The following NRXN1 variants were observed in gnomAD, a reference collection of about 807,000 sequenced individuals.
NRXN1 encodes the protein neurexin 1.
In NRXN1, 39 loss-of-function variants were observed where a neutral mutation model predicts 150.9. The observed-to-expected ratio is 0.26, with a 90% CI of 0.20 to 0.34. The LOEUF (loss-of-function observed/expected upper bound fraction) is 0.34. NRXN1 is among the 10% of genes least tolerant of loss of function. The pLI is 1.00. For missense variants in NRXN1, 1,815 were observed against 1,949.9 expected, an observed-to-expected ratio of 0.93 and a Z score of 1.30; for synonymous variants, 924 against 757.0, an observed-to-expected ratio of 1.22 and a Z score of -3.62.
At chr2:50,149,635 C>T (rs1265191846) in intron 18 of NRXN1, among the ~76,000 whole-genome samples, 1 of 151,640 alleles carries the variant, frequency 6.6e-6, no homozygotes, top group African/African-American at 2.4e-5. Flanking sequence ...TTCCTCCTTA[C>T]CCAGCTAGCT....
At chr2:50,614,422 G>A (rs1678697092) in intron 8 of NRXN1, among the ~76,000 whole-genome samples, 1 of 151,954 alleles carries the variant, frequency 6.6e-6, no homozygotes, top group African/African-American at 2.4e-5. Context: ...TCTGCCATGA[G>A]ATTTTGTTCT....
chr2:50,386,575 A>C (rs762241381), intron 17 of NRXN1, among the ~76,000 whole-genome samples: 2 of 150,518 alleles, frequency 1.3e-5, no homozygotes, highest in East Asian at 4.4e-4. Flanking sequence ...AAGCAATAGA[A>C]CCCCCAAATT....
intron 1 of NRXN1, among the ~76,000 whole-genome samples, chr2:51,031,270 A>G (rs1671502436): frequency 6.6e-6 from 1 of 152,176 alleles, no homozygotes; most frequent in South Asian, 2.1e-4. Flanking sequence ...AAGCGCTCTA[A>G]TTCAAAAGCA....
intron 5 of NRXN1, among the ~76,000 whole-genome samples, chr2:50,903,394 C>A (rs1009962739): frequency 6.6e-6 from 1 of 152,112 alleles, no homozygotes; most frequent in African/African-American, 2.4e-5. Flanking sequence ...TCAAATAAAG[C>A]TTTGCATAAT....
intron 22 of NRXN1, among the ~76,000 whole-genome samples, chr2:49,928,904 C>G (rs1669628626): frequency 6.6e-6 from 1 of 152,110 alleles, no homozygotes; most frequent in African/African-American, 2.4e-5. Flanking sequence ...TTACGGAGGT[C>G]AGACAAGTCT....
intron 18 of NRXN1, among the ~76,000 whole-genome samples, chr2:50,216,216 A>T (rs1488605961): frequency 1.3e-5 from 2 of 151,992 alleles, no homozygotes; most frequent in African/African-American, 4.8e-5. Flanking sequence ...GCAGAACTCC[A>T]TCTCAAAAAT....
chr2:50,299,920 T>C (rs959943194), intron 17 of NRXN1, among the ~76,000 whole-genome samples: 4 of 152,186 alleles, frequency 2.6e-5, no homozygotes, highest in Non-Finnish European at 5.9e-5. Context: ...CAAAGAATTA[T>C]GAAGGTGATT....
intron 8 of NRXN1, among the ~76,000 whole-genome samples, chr2:50,585,434 T>C (rs1672943939): frequency 6.6e-6 from 1 of 152,066 alleles, no homozygotes; most frequent in African/African-American, 2.4e-5. Context: ...TGAAAAAGTT[T>C]TGGATATCTG....
At chr2:50,056,831 C>G (rs944474179) in intron 19 of NRXN1, among the ~76,000 whole-genome samples, 2 of 152,070 alleles carry the variant, frequency 1.3e-5, no homozygotes, top group Admixed American at 6.6e-5. Context: ...AATACATACC[C>G]TTTGCTCTAT....
chr2:50,228,293 T>C (rs2064599704), intron 18 of NRXN1, among the ~76,000 whole-genome samples: 1 of 152,016 alleles, frequency 6.6e-6, no homozygotes, highest in South Asian at 2.1e-4. Context: ...ATATGAGTAG[T>C]AGAAAATTAA....
Position 49,927,021 on chromosome 2 carries a change from G to T in NRXN1, c.4217-4770C>A, listed in dbSNP as rs367615993. Among the ~76,000 whole-genome samples the T allele has an allele frequency of 2.6e-5, 4 of 152,118 alleles. No individual in the cohort carries two copies. The East Asian group carries it at 5.8e-4, about 22-fold the overall frequency. On this transcript the variant is annotated intron_variant, in intron 22 of 22. Transcript: ENST00000401669. The stretch of plus-strand genomic sequence containing the variant: ...CTCTTCCAGCTCCTGAATTATCCTT[G>T]TAGGGGCCCTCCCCACCCCCAGGTA...
At chr2:51,016,698 A>G (rs908467898) in intron 2 of NRXN1, among the ~76,000 whole-genome samples, 1 of 152,128 alleles carries the variant, frequency 6.6e-6, no homozygotes, top group African/African-American at 2.4e-5. Flanking sequence ...CAGTGTGGTG[A>G]TTTCTCAAGG....
intron 19 of NRXN1, among the ~76,000 whole-genome samples, chr2:50,077,514 C>G (rs1460563090): frequency 6.6e-6 from 1 of 152,064 alleles, no homozygotes; most frequent in Non-Finnish European, 1.5e-5. Flanking sequence ...CCTCTAACCA[C>G]AAAATGCACT....
chr2:50,511,414 T>G (rs1340514245), intron 12 of NRXN1, among the ~76,000 whole-genome samples: 49 of 152,176 alleles, frequency 3.2e-4, no homozygotes, highest in Admixed American at 3.2e-3. Flanking sequence ...TAGAATGAAT[T>G]TCTCAAGGCA....
At chr2:49,992,083 G>C (rs187814505) in intron 21 of NRXN1, among the ~76,000 whole-genome samples, 84 of 152,208 alleles carry the variant, frequency 5.5e-4, no homozygotes, top group East Asian at 2.9e-3. Context: ...ACTCAAAATG[G>C]ATCAAACCCT....
intron 17 of NRXN1, among the ~76,000 whole-genome samples, chr2:50,455,955 C>T (rs2087516056): frequency 6.6e-6 from 1 of 152,118 alleles, no homozygotes; most frequent in Non-Finnish European, 1.5e-5. Flanking sequence ...CCAGATGAGG[C>T]CTTGAAAGCT....
chr2:50,720,979 C>T (rs1696563259), intron 5 of NRXN1, among the ~76,000 whole-genome samples: 1 of 152,222 alleles, frequency 6.6e-6, no homozygotes. Context: ...ACAACAAAGA[C>T]TCTCTCGTCT....
intron 8 of NRXN1, chr2:50,588,627 CT>C (rs1487623715): frequency 6.6e-6 from 1 of 152,006 alleles, no homozygotes; most frequent in African/African-American, 2.4e-5. Context: ...ACCTAGTTAC[CT>C]ATTTTCTCTG....
chr2:50,539,824 C>T (rs1346761717), intron 9 of NRXN1, among the ~76,000 whole-genome samples: 1 of 152,084 alleles, frequency 6.6e-6, no homozygotes, highest in African/African-American at 2.4e-5. Context: ...ACAAGAGAGA[C>T]CTGGAGATGG....
Sources: gnomAD v4.1 joint callset for allele counts (sites outside exome capture counted in the v4.1 genomes callset) on GRCh38, gnomAD v4.1.1 for gene constraint, MANE v1.5 for transcripts, NCBI Gene and HGNC (gene_info 2026-07-23, HGNC 2026-07-21) for gene names.